AAMDC: variants seen among roughly 807,000 people sequenced by gnomAD.
AAMDC encodes the protein adipogenesis associated Mth938 domain containing, also known as mth938 domain-containing protein.
AAMDC carries 16 observed loss-of-function variants against 15.5 expected under a neutral mutation model. The ratio of observed to expected loss-of-function variants is 1.03; its 90% confidence interval spans 0.70 to 1.57. The LOEUF (loss-of-function observed/expected upper bound fraction) is 1.57. Ranked by LOEUF, AAMDC falls within the 40% of genes most tolerant of loss-of-function variation. The pLI is 0.00. For missense variants in AAMDC, 141 were observed against 144.9 expected (o/e 0.97, Z 0.14); for synonymous variants, 51 against 51.6 (o/e 0.99, Z 0.05).
intron 1 of AAMDC, among the ~76,000 whole-genome samples, chr11:77,833,192 T>C (rs1949533841): frequency 4.0e-5 from 6 of 151,438 alleles, no homozygotes; most frequent in African/African-American, 1.2e-4. Context: ...GCATTTTTAG[T>C]AGAGATGGGG....
chr11:77,856,677 G>A (rs1457240871), intron 2 of AAMDC, among the ~76,000 whole-genome samples: 3 of 152,226 alleles, frequency 2.0e-5, no homozygotes, highest in South Asian at 2.1e-4. Flanking sequence ...TACATGGCTG[G>A]AGCAAGAGGA....
At chr11:77,828,851 C>A (rs1032747788) in intron 1 of AAMDC, among the ~76,000 whole-genome samples, 1 of 152,162 alleles carries the variant, frequency 6.6e-6, no homozygotes, top group African/African-American at 2.4e-5. Flanking sequence ...CAGCTGGCTT[C>A]TTTGCAGAAA....
Position 77,863,864 on chromosome 11 carries a change from G to A in AAMDC, c.133-5858G>A, listed in dbSNP as rs76393422. On this transcript the variant is annotated intron_variant, in intron 2 of 3. Transcript: ENST00000393427. The stretch of plus-strand genomic sequence containing the variant: ...ATATGGTGGACTTGAATCTTATTAC[G>A]GGATTAAAATTTTAAAGTCAGCAAT... 1.9e-3 allele frequency among the ~76,000 whole-genome samples: 292 copies of A among 152,060 alleles called. 5 individuals carry two copies. In the East Asian group the frequency reaches 0.029, roughly 15 times the overall value.
At chr11:77,900,817 A>G, downstream of AAMDC, 1 of 586,386 alleles carries the variant, frequency 1.7e-6, no homozygotes, top group South Asian at 2.1e-5. Flanking sequence ...TACAGATATA[A>G]TTACACTGAG....
At position 77,857,276 on chromosome 11, in the gene AAMDC, C is replaced by T. The variant is rs893575059; in HGVS notation, c.133-12446C>T. Among the ~76,000 whole-genome samples the T allele has an allele frequency of 2.6e-5, 4 of 152,126 alleles. No individual in the cohort carries two copies. In the East Asian group the frequency reaches 5.8e-4, roughly 22 times the overall value. Reference sequence around the variant, plus strand: ...CTAGATCACTTAGAGGTATTCATCACAGAAAGTGGGATCTTTGACCTGACT... The same window carrying T: ...CTAGATCACTTAGAGGTATTCATCATAGAAAGTGGGATCTTTGACCTGACT... On this transcript the variant is annotated intron_variant, in intron 2 of 3. Transcript: ENST00000393427.
chr11:77,883,598 G>A (rs970356975), intron 5 of AAMDC, among the ~76,000 whole-genome samples: 5 of 152,098 alleles, frequency 3.3e-5, no homozygotes, highest in African/African-American at 1.2e-4. Context: ...ATAATCGCCT[G>A]TATATCTTCC....
intron 1 of AAMDC, among the ~76,000 whole-genome samples, chr11:77,826,871 G>A (rs573635651): frequency 9.9e-5 from 15 of 152,148 alleles, no homozygotes; most frequent in Non-Finnish European, 1.8e-4. Flanking sequence ...TTGAGAGGCC[G>A]AGGTGGGCAG....
intron 1 of AAMDC, among the ~76,000 whole-genome samples, chr11:77,837,379 G>A (rs548782778): frequency 1.7e-4 from 26 of 149,358 alleles, no homozygotes; most frequent in Admixed American, 1.3e-3. Context: ...CTCGTGATCC[G>A]CCTGCCTCGG....
At chr11:77,876,269 G>A (rs1951592088), downstream of AAMDC, among the ~76,000 whole-genome samples, 1 of 152,168 alleles carries the variant, frequency 6.6e-6, no homozygotes, top group African/African-American at 2.4e-5. Context: ...ACCTGGGGAA[G>A]AAACCAGAGG....
chr11:77,894,868 C>T (rs891777382), intron 5 of AAMDC, among the ~76,000 whole-genome samples: 3 of 152,212 alleles, frequency 2.0e-5, no homozygotes, highest in African/African-American at 7.2e-5. Flanking sequence ...GTATCGGCAT[C>T]TGGAAACTAG....
intron 5 of AAMDC, among the ~76,000 whole-genome samples, chr11:77,888,402 A>G (rs1240239407): frequency 6.6e-6 from 1 of 152,238 alleles, no homozygotes; most frequent in Non-Finnish European, 1.5e-5. Context: ...TCCCTTCCTT[A>G]TGCCTTATAC....
chr11:77,822,711 G>A lies in AAMDC; in HGVS notation c.-19+1470G>A, dbSNP rs11237305. Among the ~76,000 whole-genome samples the A allele has an allele frequency of 2.7e-4, 41 of 152,216 alleles. No individual in the cohort carries two copies. The East Asian group carries it at 7.7e-3, about 29-fold the overall frequency. ...GCCTTGAATAGTGATTCATAGTCTTGAGTGGTATACAAACCGTTTTTAAAG... is the reference window on the plus strand; with the variant it reads ...GCCTTGAATAGTGATTCATAGTCTTAAGTGGTATACAAACCGTTTTTAAAG... On this transcript the variant is annotated intron_variant, in intron 1 of 3. Transcript: ENST00000393427.
intron 1 of AAMDC, among the ~76,000 whole-genome samples, chr11:77,822,468 A>G (rs1213057880): frequency 1.3e-5 from 2 of 150,166 alleles, no homozygotes; most frequent in Non-Finnish European, 2.9e-5. Context: ...CAAACCATGT[A>G]AAAAAGAGAA....
chr11:77,839,935 A>G (rs1565200469), intron 1 of AAMDC, among the ~76,000 whole-genome samples: 1 of 152,172 alleles, frequency 6.6e-6, no homozygotes, highest in African/African-American at 2.4e-5. Context: ...GTACCTATGT[A>G]ATGAACGTGC....
intron 5 of AAMDC, among the ~76,000 whole-genome samples, chr11:77,878,164 C>T (rs188684300): frequency 6.6e-6 from 1 of 151,988 alleles, no homozygotes; most frequent in Non-Finnish European, 1.5e-5. Context: ...AGATCAAGAC[C>T]ATCCTGGCTA....
At chr11:77,854,813 G>T (rs1262633761) in intron 2 of AAMDC, among the ~76,000 whole-genome samples, 1 of 152,160 alleles carries the variant, frequency 6.6e-6, no homozygotes, top group African/African-American at 2.4e-5. Context: ...CTGTGTAGGG[G>T]CTCCAACCCC....
intron 2 of AAMDC, among the ~76,000 whole-genome samples, chr11:77,845,808 C>T (rs1950122814): frequency 6.6e-6 from 1 of 152,108 alleles, no homozygotes. Context: ...GTTATACTTT[C>T]CTTTAGTTCT....
chr11:77,886,511 C>T (rs1156841142), intron 5 of AAMDC, among the ~76,000 whole-genome samples: 1 of 152,194 alleles, frequency 6.6e-6, no homozygotes, highest in Non-Finnish European at 1.5e-5. Flanking sequence ...TTCAATGAAG[C>T]ACGGGTAAAC....
At position 77,863,043 on chromosome 11, in the gene AAMDC, T is replaced by C. The variant is rs1950949460; in HGVS notation, c.133-6679T>C. ...ATGTGGTGGTGGGCCGCTTCTAAGATGGTGGCAAGCCTCGTGTTCTCTGAC... is the reference window on the plus strand; with the variant it reads ...ATGTGGTGGTGGGCCGCTTCTAAGACGGTGGCAAGCCTCGTGTTCTCTGAC... On this transcript the variant is annotated intron_variant, in intron 2 of 3. Coordinates refer to ENST00000393427, the MANE Select transcript of AAMDC (RefSeq NM_024684.4). Among the ~76,000 whole-genome samples the C allele has an allele frequency of 3.3e-5, 5 of 152,082 alleles. No homozygotes were observed. The South Asian group carries it at 1.0e-3, about 32-fold the overall frequency.
Sources: gnomAD v4.1 joint callset for allele counts (sites outside exome capture counted in the v4.1 genomes callset) on GRCh38, gnomAD v4.1.1 for gene constraint, MANE v1.5 for transcripts, NCBI Gene and HGNC (gene_info 2026-07-23, HGNC 2026-07-21) for gene names.